Variants in CDH13 observed in about 807,000 individuals in gnomAD.
CDH13 encodes cadherin 13.
A neutral mutation model predicts 63.8 loss-of-function variants in CDH13; 24 were observed. That is an observed-to-expected ratio of 0.38 (90% CI 0.27 to 0.53). CDH13 has a LOEUF of 0.53. Among genes scored for constraint, CDH13 ranks in the 20% least tolerant of loss-of-function variants. The probability of loss-of-function intolerance (pLI) is 0.85; values close to 1 mark genes in which losing one functional copy is unlikely to be tolerated. For synonymous variants in CDH13, 503 were observed against 355.3 expected (o/e 1.42, Z -4.67); for missense variants, 1,049 against 903.1 (o/e 1.16, Z -2.07).
chr16:83,671,064 A>G (rs1914458566), intron 9 of CDH13, 92 bp downstream of exon 9: 2 of 1,115,656 alleles, frequency 1.8e-6, no homozygotes, highest in African/African-American at 1.6e-5. Context: ...AGAAGGCCAC[A>G]GATAAATTCC....
At chr16:82,713,819 A>AC (rs2032147893) in intron 1 of CDH13, among the ~76,000 whole-genome samples, 2 of 148,552 alleles carry the variant, frequency 1.3e-5, no homozygotes, top group East Asian at 3.9e-4. Flanking sequence ...AAAAAAAACA[A>AC]ACAAAAAAAA....
chr16:83,440,003 T>C (rs1475390680), intron 6 of CDH13, among the ~76,000 whole-genome samples: 1 of 152,150 alleles, frequency 6.6e-6, no homozygotes, highest in Non-Finnish European at 1.5e-5. Flanking sequence ...GCTGATGTGG[T>C]AGAGGGTGGA....
intron 13 of CDH13, among the ~76,000 whole-genome samples, chr16:83,783,740 C>G (rs1192471275): frequency 6.6e-6 from 1 of 152,214 alleles, no homozygotes; most frequent in Non-Finnish European, 1.5e-5. Flanking sequence ...GTAAGCAAAA[C>G]TTCCTACAGC....
At chr16:82,922,911 G>A (rs559826401) in intron 2 of CDH13, among the ~76,000 whole-genome samples, 74 of 152,192 alleles carry the variant, frequency 4.9e-4, no homozygotes, top group Non-Finnish European at 7.5e-4. Flanking sequence ...CCAGACAACG[G>A]CAATCAAGGA....
chr16:83,096,999 G>C (rs953219880), intron 3 of CDH13, among the ~76,000 whole-genome samples: 1 of 152,246 alleles, frequency 6.6e-6, no homozygotes, highest in African/African-American at 2.4e-5. Context: ...ATAATGTCAA[G>C]ATTGAGTGTA....
intron 7 of CDH13, among the ~76,000 whole-genome samples, chr16:83,487,063 G>A (rs182778536): frequency 6.2e-4 from 94 of 152,226 alleles, no homozygotes; most frequent in African/African-American, 2.0e-3. Context: ...AGAGTCAAAT[G>A]CCCATGACTC....
At chr16:82,947,827 GA>G (rs150436195) in intron 2 of CDH13, among the ~76,000 whole-genome samples, 9,349 of 152,240 alleles carry the variant, frequency 0.061, 443 homozygotes, top group East Asian at 0.16. Flanking sequence ...ATAAACTGCT[GA>G]AAGTAGTATT....
intron 4 of CDH13, among the ~76,000 whole-genome samples, chr16:83,167,304 C>G (rs995867197): frequency 6.6e-6 from 1 of 151,620 alleles, no homozygotes; most frequent in African/African-American, 2.4e-5. Context: ...TGAGACCAGC[C>G]TGGCCAACAT....
chr16:83,399,122 T>C (rs955710162), intron 6 of CDH13, among the ~76,000 whole-genome samples: 7 of 152,236 alleles, frequency 4.6e-5, no homozygotes, highest in Admixed American at 4.6e-4. Context: ...CATGTTTCAA[T>C]AGATGGTTTG....
At chr16:83,380,673 T>C (rs2091548712) in intron 6 of CDH13, among the ~76,000 whole-genome samples, 1 of 152,126 alleles carries the variant, frequency 6.6e-6, no homozygotes, top group South Asian at 2.1e-4. Context: ...AGGTGGCTGA[T>C]TGGAGCTCCA....
chr16:83,685,553 G>A (rs1297098951), intron 10 of CDH13, among the ~76,000 whole-genome samples: 1 of 152,208 alleles, frequency 6.6e-6, no homozygotes. Flanking sequence ...ATTCACTGGT[G>A]AAAGAAATAG....
At chr16:82,973,401 G>C (rs879702939) in intron 2 of CDH13, among the ~76,000 whole-genome samples, 14 of 152,164 alleles carry the variant, frequency 9.2e-5, no homozygotes, top group Non-Finnish European at 1.6e-4. Flanking sequence ...CTAAGTGTCA[G>C]CTCATATGAG....
intron 1 of CDH13, among the ~76,000 whole-genome samples, chr16:82,817,679 C>A (rs1380712737): frequency 1.3e-5 from 2 of 152,028 alleles, no homozygotes; most frequent in Non-Finnish European, 2.9e-5. Flanking sequence ...GTGGTGCACA[C>A]CTGTAGTCCC....
intron 5 of CDH13, among the ~76,000 whole-genome samples, chr16:83,266,596 T>G (rs1907652255): frequency 6.6e-6 from 1 of 152,168 alleles, no homozygotes; most frequent in South Asian, 2.1e-4. Context: ...CTCTTCACAC[T>G]CCAGGGAATA....
chr16:83,476,106 A>G (rs60419699), intron 6 of CDH13, among the ~76,000 whole-genome samples: 33,086 of 152,054 alleles, frequency 0.22, 3,748 homozygotes, highest in Middle Eastern at 0.3. Flanking sequence ...TTATTCACTT[A>G]TTCATGTATT....
intron 5 of CDH13, among the ~76,000 whole-genome samples, chr16:83,227,006 G>C (rs7199326): frequency 0.61 from 92,970 of 151,450 alleles, 30,176 homozygotes; most frequent in East Asian, 0.86. Context: ...AGGAGCGAAA[G>C]AGGGGATACG....
chr16:83,652,286 C>G (rs1010604052), intron 8 of CDH13, among the ~76,000 whole-genome samples: 1 of 152,172 alleles, frequency 6.6e-6, no homozygotes, highest in African/African-American at 2.4e-5. Flanking sequence ...TTATACAAAT[C>G]CCTTGTAATG....
chr16:82,779,349 TCCAG>T (rs2035643536), intron 1 of CDH13, among the ~76,000 whole-genome samples: 1 of 152,194 alleles, frequency 6.6e-6, no homozygotes, highest in Non-Finnish European at 1.5e-5. Flanking sequence ...CACAGAACTA[TCCAG>T]CCAGAAAGAG....
intron 5 of CDH13, among the ~76,000 whole-genome samples, chr16:83,260,852 G>C (rs1202446354): frequency 1.3e-5 from 2 of 152,086 alleles, no homozygotes; most frequent in East Asian, 1.9e-4. Context: ...AGTCAGCAAA[G>C]AATGTATTTG....
Sources: allele counts gnomAD v4.1 joint callset (sites outside exome capture counted in the v4.1 genomes callset), GRCh38; gene constraint gnomAD v4.1.1; transcripts MANE v1.5; gene names NCBI Gene and HGNC (gene_info 2026-07-23, HGNC 2026-07-21).